SAFB2: variants seen among roughly 807,000 people sequenced by gnomAD.
The protein encoded by SAFB2 is scaffold attachment factor B2.
SAFB2 carries 32 observed loss-of-function variants against 100.6 expected under a neutral mutation model. The observed-to-expected ratio is 0.32, with a 90% CI of 0.24 to 0.43. SAFB2 has a LOEUF of 0.43. Ranked by LOEUF, SAFB2 falls within the 20% of genes least tolerant of loss-of-function variation. The probability of loss-of-function intolerance (pLI) is 1.00; values close to 1 mark genes in which losing one functional copy is unlikely to be tolerated. For missense variants in SAFB2, 1,185 were observed against 1,163.4 expected (o/e 1.02, Z -0.27); for synonymous variants, 500 against 439.4 (o/e 1.14, Z -1.72).
intron 11 of SAFB2, among the ~76,000 whole-genome samples, chr19:5,604,306 G>A (rs915616467): frequency 1.3e-5 from 2 of 152,232 alleles, no homozygotes; most frequent in Non-Finnish European, 2.9e-5. Context: ...TTGGGAGGCT[G>A]AAGTAGGAGA....
chr19:5,599,852 A>C (rs2052617089), intron 12 of SAFB2, among the ~76,000 whole-genome samples: 1 of 152,182 alleles, frequency 6.6e-6, no homozygotes, highest in African/African-American at 2.4e-5. Flanking sequence ...CAAATCCCAC[A>C]CTACAATCAG....
chr19:5,592,512 T>A (rs567039883), intron 16 of SAFB2, among the ~76,000 whole-genome samples: 1 of 152,272 alleles, frequency 6.6e-6, no homozygotes, highest in Non-Finnish European at 1.5e-5. Flanking sequence ...CTGGCCCACC[T>A]ATGAAAAGAG....
intron 7 of SAFB2, 29 bp from the exon 8 acceptor site, chr19:5,610,717 C>G: frequency 6.9e-7 from 1 of 1,456,064 alleles, no homozygotes; most frequent in South Asian, 1.2e-5. Context: ...GTTACTCATA[C>G]AGGAAAAAAA....
intron 14 of SAFB2, among the ~76,000 whole-genome samples, chr19:5,594,635 C>G (rs2052497704): frequency 6.6e-6 from 1 of 152,118 alleles, no homozygotes; most frequent in Non-Finnish European, 1.5e-5. Context: ...GGCCTCAGCA[C>G]CCAGGCACCA....
rs1215301505 is a variant in SAFB2, at chr19:5,611,360, TCGC to T, written c.902_904del (p.Gly301del). 23 of 353,434 alleles carry T rather than the reference TCGC, an allele frequency of 6.5e-5. No homozygotes were observed. In the East Asian group the frequency reaches 1.1e-3, roughly 16 times the overall value. 21.9% of individuals were successfully genotyped at this position (353,434 alleles called of 1,614,324 possible). ...AGGCTCACAGTCCGTCCTCTCGCCA[TCGC>T]CTGGCTGCTCCGCGGGCTCCCTTTT... On this transcript the variant is annotated inframe_deletion, in exon 7 of 21. Coordinates refer to ENST00000252542, the MANE Select transcript of SAFB2 (RefSeq NM_014649.3).
chr19:5,600,143 T>C lies in SAFB2; in HGVS notation c.1677A>G (p.Arg559=). The stretch of plus-strand genomic sequence containing the variant: ...GGCTCTCCTCACCTGATTTGGTGAC[T>C]CTAGACCGATTTGTAGGTCCGGGTT... ...ELKPGPTNRS[R]VTKSGSRGME... is the part of the protein sequence containing the mutation. Residue 559 remains arginine (R), a synonymous_variant, in exon 12 of 21, where the codon AGA becomes AGG. Coordinates refer to ENST00000252542, the MANE Select transcript of SAFB2 (RefSeq NM_014649.3). 14 of 1,614,094 alleles carry C rather than the reference T, an allele frequency of 8.7e-6. No homozygotes were observed. The highest frequency in any genetic ancestry group is 1.2e-5 in the Non-Finnish European group (14 of 1,180,000).
chr19:5,600,229 T>C lies in SAFB2; in HGVS notation c.1591A>G (p.Lys531Glu). ...TCTTCAGGCTTTTTTTCCTCCTTCT[T>C]CTCAATCTTCTCTTCCTTCTTAATT... ...TVIKKEEKIEKKEEKKPEDIK... is the reference protein window; with the variant it reads ...TVIKKEEKIEEKEEKKPEDIK... Residue 531 changes from lysine to glutamate, a missense_variant, in exon 12 of 21, where the codon AAG (lysine) becomes GAG (glutamate). Lys to Glu is a moderately conservative substitution (Grantham distance 56, BLOSUM62 1). Around this residue, in one of 3 missense-constraint regions of SAFB2, gnomAD observed 740 missense variants for 687.1 expected, o/e 1.08. Transcript: ENST00000252542. The C allele has an allele frequency of 1.9e-6, 3 of 1,613,248 alleles. No homozygotes were observed. The highest frequency in any genetic ancestry group is 1.7e-6 in the Non-Finnish European group (2 of 1,179,470).
chr19:5,607,562 C>T (rs917651715), intron 9 of SAFB2, among the ~76,000 whole-genome samples: 5 of 152,020 alleles, frequency 3.3e-5, no homozygotes, highest in Non-Finnish European at 5.9e-5. Context: ...AGCCATCAGT[C>T]ATAAAAAGGA....
chr19:5,607,586 A>G (rs1164063934), intron 9 of SAFB2, among the ~76,000 whole-genome samples: 2 of 152,220 alleles, frequency 1.3e-5, no homozygotes, highest in African/African-American at 4.8e-5. Flanking sequence ...GACCCACAAG[A>G]AGGCAGATAA....
intron 4 of SAFB2, among the ~76,000 whole-genome samples, chr19:5,614,711 CACTG>C (rs2052985040): frequency 6.6e-6 from 1 of 152,200 alleles, no homozygotes; most frequent in South Asian, 2.1e-4. Flanking sequence ...AGCTCGAAGA[CACTG>C]ACAGCTTGTG....
At chr19:5,605,992 G>A (rs1334629184) in intron 9 of SAFB2, among the ~76,000 whole-genome samples, 2 of 152,202 alleles carry the variant, frequency 1.3e-5, no homozygotes. Context: ...ACACGTGTGC[G>A]AGGAAACCAG....
At chr19:5,602,397 G>A (rs1034871566) in intron 11 of SAFB2, among the ~76,000 whole-genome samples, 6 of 145,334 alleles carry the variant, frequency 4.1e-5, no homozygotes, top group African/African-American at 7.6e-5. Flanking sequence ...GGAGAATGGC[G>A]TGAACCCGGG....
intron 18 of SAFB2, 86 bp from the exon 19 acceptor site, chr19:5,588,066 G>A: frequency 3.4e-6 from 4 of 1,188,518 alleles, no homozygotes; most frequent in Non-Finnish European, 3.5e-6. Context: ...GACCTCAGCT[G>A]CATGGTGGGT....
chr19:5,617,693 C>T (rs956077547), intron 2 of SAFB2, among the ~76,000 whole-genome samples: 4 of 152,158 alleles, frequency 2.6e-5, no homozygotes, highest in Non-Finnish European at 4.4e-5. Context: ...ATGCTGGTCA[C>T]GACCCTGCAA....
chr19:5,589,952 C>T lies in SAFB2; in HGVS notation c.2525+326G>A, dbSNP rs79281781. ...CGAGGCTGCTCTACCACGGACGGGG[C>T]AGGACTAAGAGCTTCAGCGCTGTCT... On this transcript the variant is annotated intron_variant, in intron 18 of 20. Coordinates refer to ENST00000252542, the MANE Select transcript of SAFB2 (RefSeq NM_014649.3). 7.1e-3 allele frequency among the ~76,000 whole-genome samples: 1,077 copies of T among 152,294 alleles called. 15 individuals are homozygous for T. Among genetic ancestry groups the T allele is most frequent in the African/African-American group, 0.025 (1,028 of 41,554 alleles).
intron 11 of SAFB2, among the ~76,000 whole-genome samples, chr19:5,604,086 T>C (rs771896893): frequency 5.9e-5 from 9 of 152,188 alleles, no homozygotes; most frequent in Admixed American, 6.5e-5. Context: ...CTTAAAGACA[T>C]GGGCTACTTC....
intron 4 of SAFB2, 60 bp from the exon 5 acceptor site, chr19:5,613,587 C>T (rs1410597342): frequency 6.3e-7 from 1 of 1,585,776 alleles, no homozygotes; most frequent in African/African-American, 1.4e-5. Context: ...CCAAGGCTGA[C>T]ACCTCGCTTA....
At chr19:5,620,683 C>T (rs141686623) in intron 2 of SAFB2, among the ~76,000 whole-genome samples, 1 of 152,296 alleles carries the variant, frequency 6.6e-6, no homozygotes, top group Non-Finnish European at 1.5e-5. Flanking sequence ...AAAAGTAAGG[C>T]GACTAACTTC....
At position 5,604,700 on chromosome 19, in the gene SAFB2, A is replaced by G; in HGVS notation, c.1447-5T>C. ...CCCAGCAGGCTCATTTTTGGCCTAA[A>G]ATATAATAGACAGAAATGATGTGTG... is the stretch of plus-strand genomic sequence containing the variant. On this transcript the variant is annotated splice_polypyrimidine_tract_variant and splice_region_variant and intron_variant, in intron 10 of 20. Transcript: ENST00000252542. 6.2e-7 allele frequency: 1 copy of G among 1,614,156 alleles called. No homozygotes were observed. The highest frequency in any genetic ancestry group is 1.7e-5 in the Admixed American group (1 of 60,016).
Sources: gnomAD v4.1 joint callset for allele counts (sites outside exome capture counted in the v4.1 genomes callset) on GRCh38, gnomAD v4.1.1 for gene constraint, gnomAD v4.1.1 regional missense constraint, MANE v1.5 for transcripts, NCBI Gene and HGNC (gene_info 2026-07-23, HGNC 2026-07-21) for gene names.